The following OLFM3 variants were observed in gnomAD, a reference collection of about 807,000 sequenced individuals.
The protein encoded by OLFM3 is noelin-3.
In OLFM3, 20 loss-of-function variants were observed where a neutral mutation model predicts 48.6. The ratio of observed to expected loss-of-function variants is 0.41; its 90% CI spans 0.29 to 0.60. OLFM3 has a LOEUF of 0.60. Ranked by LOEUF, OLFM3 falls within the 20% of genes least tolerant of loss-of-function variation. The pLI, the probability that OLFM3 is intolerant of heterozygous loss-of-function variation, is 0.28. For synonymous variants in OLFM3, 222 were observed against 198.1 expected (o/e 1.12, Z -1.01); for missense variants, 437 against 544.3 (o/e 0.80, Z 1.96).
chr1:101,849,656 C>T (rs538323429), intron 1 of OLFM3, among the ~76,000 whole-genome samples: 68 of 152,232 alleles, frequency 4.5e-4, no homozygotes, highest in Non-Finnish European at 8.7e-4. Flanking sequence ...GGTATATTCT[C>T]ACGGTTTGGG....
chr1:101,834,463 G>A (rs1342900683), intron 2 of OLFM3, among the ~76,000 whole-genome samples: 2 of 152,126 alleles, frequency 1.3e-5, no homozygotes, highest in African/African-American at 2.4e-5. Flanking sequence ...GTGCTTAAAG[G>A]TCATGCTCTT....
chr1:101,873,504 A>ACC (rs1325552979), intron 1 of OLFM3, among the ~76,000 whole-genome samples: 24 of 152,028 alleles, frequency 1.6e-4, no homozygotes, highest in East Asian at 1.2e-3. Context: ...AAATACAGCA[A>ACC]CCCTGTAAGG....
intron 1 of OLFM3, among the ~76,000 whole-genome samples, 156 bp downstream of exon 1, chr1:101,996,592 C>G (rs1299219227): frequency 6.6e-6 from 1 of 152,088 alleles, no homozygotes; most frequent in Non-Finnish European, 1.5e-5. Flanking sequence ...GGTAGTTCAC[C>G]TTGTTATGTT....
intron 1 of OLFM3, among the ~76,000 whole-genome samples, chr1:101,879,331 T>C (rs10782857): frequency 0.51 from 77,332 of 151,616 alleles, 20,151 homozygotes; most frequent in Non-Finnish European, 0.56. Context: ...ATAGTTCTTC[T>C]TATTCTTGAT....
intron 1 of OLFM3, among the ~76,000 whole-genome samples, chr1:101,967,817 C>CA (rs1456361157): frequency 6.6e-6 from 1 of 152,070 alleles, no homozygotes; most frequent in Non-Finnish European, 1.5e-5. Flanking sequence ...TACAAACTAA[C>CA]TTTTTTTCCT....
chr1:101,910,000 C>T (rs773141774), intron 1 of OLFM3: 1 of 985,338 alleles, frequency 1.0e-6, no homozygotes, highest in Non-Finnish European at 1.2e-6. Flanking sequence ...TCTCATCTTG[C>T]TTTATAATAT....
chr1:101,860,207 T>C (rs567499074), intron 1 of OLFM3, among the ~76,000 whole-genome samples: 78 of 152,126 alleles, frequency 5.1e-4, no homozygotes, highest in African/African-American at 1.6e-3. Context: ...CCAGAGTTAA[T>C]TGTTAACAGA....
intron 1 of OLFM3, among the ~76,000 whole-genome samples, chr1:101,979,916 C>T (rs1157063166): frequency 6.6e-6 from 1 of 152,196 alleles, no homozygotes; most frequent in African/African-American, 2.4e-5. Flanking sequence ...GGTGGAGCTT[C>T]CCAAGGCCAT....
chr1:101,956,433 C>T (rs1291365549), intron 1 of OLFM3, among the ~76,000 whole-genome samples: 1 of 151,704 alleles, frequency 6.6e-6, no homozygotes, highest in African/African-American at 2.4e-5. Flanking sequence ...TAAAAAAATC[C>T]ATACCTTTTT....
At chr1:101,953,585 T>C (rs1660207048) in intron 1 of OLFM3, among the ~76,000 whole-genome samples, 1 of 152,292 alleles carries the variant, frequency 6.6e-6, no homozygotes, top group Middle Eastern at 3.4e-3. Context: ...AACCATGTTC[T>C]AGAAGAAAAC....
intron 1 of OLFM3, among the ~76,000 whole-genome samples, chr1:101,963,492 A>G (rs1660523151): frequency 6.8e-6 from 1 of 148,100 alleles, no homozygotes; most frequent in Non-Finnish European, 1.5e-5. Flanking sequence ...GTAGCACCAC[A>G]GGCATCTGGG....
chr1:101,822,787 C>G (rs1449416027), intron 4 of OLFM3, among the ~76,000 whole-genome samples: 4 of 152,014 alleles, frequency 2.6e-5, no homozygotes, highest in Non-Finnish European at 4.4e-5. Context: ...TAAAAAGAAT[C>G]AAATATAACA....
In OLFM3 at chr1:101,988,957, A is replaced by T. The variant is rs12028316; in HGVS notation, c.69+7791T>A. On this transcript the variant is annotated intron_variant, in intron 1 of 5. Transcript: ENST00000370103. ...TCCAATTCAACTTTTGTTCATGAAC[A>T]ACTATTCTGCATCAGACACAGTACC... 1.1e-3 allele frequency among the ~76,000 whole-genome samples: 164 copies of T among 152,194 alleles called. No homozygotes were observed. The East Asian group carries it at 0.026, about 24-fold the overall frequency.
intron 1 of OLFM3, chr1:101,893,407 T>C: frequency 2.7e-6 from 1 of 363,798 alleles, no homozygotes; most frequent in South Asian, 2.7e-5. Flanking sequence ...AAGATAGATG[T>C]AAAAGCTGCA....
intron 1 of OLFM3, among the ~76,000 whole-genome samples, chr1:101,991,005 AAAAAAAAAAAAATATAT>A (rs1477513806): frequency 1.0e-5 from 1 of 100,032 alleles, no homozygotes; most frequent in Non-Finnish European, 2.1e-5. Flanking sequence ...AAAAAAAAAA[AAAAAAAAAAAAATATAT>A]ATATATATAT....
At chr1:101,893,525 A>G in intron 1 of OLFM3, 1 of 286,572 alleles carries the variant, frequency 3.5e-6, no homozygotes, top group Non-Finnish European at 7.1e-6. Context: ...ACCAAAAACC[A>G]GGACTGGAGC....
intron 1 of OLFM3, among the ~76,000 whole-genome samples, chr1:101,990,901 C>A (rs1013282701): frequency 7.0e-6 from 1 of 143,238 alleles, no homozygotes. Flanking sequence ...AGGAGAATGG[C>A]GTGAACCCAG....
intron 1 of OLFM3, among the ~76,000 whole-genome samples, chr1:101,883,668 C>T (rs1657627149): frequency 6.6e-6 from 1 of 151,914 alleles, no homozygotes; most frequent in African/African-American, 2.4e-5. Flanking sequence ...AATTACCTGT[C>T]TTTCTCTTTT....
intron 1 of OLFM3, among the ~76,000 whole-genome samples, chr1:101,981,489 C>A (rs963450171): frequency 2.0e-5 from 3 of 152,158 alleles, no homozygotes; most frequent in South Asian, 4.1e-4. Flanking sequence ...TTTCTCATTT[C>A]TTTTACAGCA....
Sources: allele counts gnomAD v4.1 joint callset (sites outside exome capture counted in the v4.1 genomes callset), GRCh38; gene constraint gnomAD v4.1.1; transcripts MANE v1.5; gene names NCBI Gene and HGNC (gene_info 2026-07-23, HGNC 2026-07-21).